Variants in CACNA2D3 observed in about 807,000 individuals in gnomAD.
The protein encoded by CACNA2D3 is calcium voltage-gated channel auxiliary subunit alpha2delta 3, also known as voltage-dependent calcium channel subunit alpha-2/delta-3.
Under a neutral mutation model 160.6 loss-of-function variants are expected in CACNA2D3, and 60 were observed. The observed-to-expected ratio is 0.37, with a 90% CI of 0.30 to 0.46. CACNA2D3 has a LOEUF of 0.46. Ranked by LOEUF, CACNA2D3 falls within the 20% of genes least tolerant of loss-of-function variation. The probability of loss-of-function intolerance (pLI) is 1.00; values close to 1 mark genes in which losing one functional copy is unlikely to be tolerated. For missense variants in CACNA2D3, 1,205 were observed against 1,365.0 expected, an observed-to-expected ratio of 0.88 and a Z score of 1.85; for synonymous variants, 558 against 492.9, an observed-to-expected ratio of 1.13 and a Z score of -1.75.
chr3:54,768,281 G>A (rs1702257648), intron 13 of CACNA2D3, among the ~76,000 whole-genome samples: 1 of 152,174 alleles, frequency 6.6e-6, no homozygotes, highest in African/African-American at 2.4e-5. Flanking sequence ...CCACCAATGA[G>A]AAGCAGATGG....
chr3:54,343,617 C>T (rs751305443), intron 3 of CACNA2D3, among the ~76,000 whole-genome samples: 6 of 152,180 alleles, frequency 3.9e-5, no homozygotes, highest in Non-Finnish European at 7.3e-5. Flanking sequence ...TTATGTTGCA[C>T]AGCCTGGTCT....
At chr3:54,337,000 C>T (rs1001044449) in intron 3 of CACNA2D3, among the ~76,000 whole-genome samples, 2 of 152,096 alleles carry the variant, frequency 1.3e-5, no homozygotes, top group Non-Finnish European at 2.9e-5. Context: ...TGGGGCCTTG[C>T]ATGGACCAGT....
At chr3:54,662,224 G>T (rs528510580) in intron 11 of CACNA2D3, among the ~76,000 whole-genome samples, 2 of 152,186 alleles carry the variant, frequency 1.3e-5, no homozygotes, top group South Asian at 4.2e-4. Context: ...GGTGCTGGGA[G>T]CCTCTATGCT....
rs1703604256 is a variant in CACNA2D3 at position 54,821,697 on chromosome 3, T to TTTCCTTTC, written c.1398+4833_1398+4834insTCTTCCTT. On this transcript the variant is annotated intron_variant, in intron 14 of 37. Coordinates refer to ENST00000474759, the MANE Select transcript of CACNA2D3 (RefSeq NM_018398.3). ...CTTTCTTTCTTTCTTTCTTTCTTTC[T>TTTCCTTTC]TTCCTTCCTTCCTTCTTTCCTCTCT... Among the ~76,000 whole-genome samples the TTTCCTTTC allele has an allele frequency of 3.6e-5, 3 of 84,142 alleles. No individual in the cohort carries two copies. The South Asian group carries it at 1.3e-3, about 35-fold the overall frequency. 55.2% of individuals were successfully genotyped at this position (84,142 alleles called of 152,430 possible).
chr3:54,192,299 G>T (rs1025327848), intron 2 of CACNA2D3, among the ~76,000 whole-genome samples: 1 of 152,144 alleles, frequency 6.6e-6, no homozygotes, highest in Non-Finnish European at 1.5e-5. Context: ...TTATGCTAAA[G>T]GGGAAGTGCT....
chr3:54,894,149 T>G (rs1255985003), intron 25 of CACNA2D3, among the ~76,000 whole-genome samples: 1 of 152,148 alleles, frequency 6.6e-6, no homozygotes, highest in East Asian at 1.9e-4. Flanking sequence ...ACCACTGCAA[T>G]AGCTCCTAGT....
At chr3:54,897,033 T>G in intron 26 of CACNA2D3, 163 bp downstream of exon 26, 1 of 715,480 alleles carries the variant, frequency 1.4e-6, no homozygotes, top group Non-Finnish European at 2.3e-6. Flanking sequence ...ACCAGTTCCA[T>G]AAGAGTAATA....
intron 13 of CACNA2D3, among the ~76,000 whole-genome samples, chr3:54,781,546 TA>T (rs1702537248): frequency 6.6e-6 from 1 of 152,364 alleles, no homozygotes; most frequent in East Asian, 1.9e-4. Flanking sequence ...TCTACTGAGC[TA>T]AAGATTAGTC....
At chr3:54,183,892 GAAAAAAAAAA>G (rs58956795) in intron 2 of CACNA2D3, among the ~76,000 whole-genome samples, 4 of 80,798 alleles carry the variant, frequency 5.0e-5, no homozygotes, top group Non-Finnish European at 6.4e-5. Context: ...TCTCAAAAAA[GAAAAAAAAAA>G]AAAAAAAAAA....
intron 11 of CACNA2D3, among the ~76,000 whole-genome samples, chr3:54,660,000 A>G (rs1272029992): frequency 6.6e-6 from 1 of 152,098 alleles, no homozygotes; most frequent in Non-Finnish European, 1.5e-5. Context: ...CAGACAAAAT[A>G]ATGACTTACC....
intron 2 of CACNA2D3, among the ~76,000 whole-genome samples, chr3:54,275,779 G>A (rs920953804): frequency 2.0e-5 from 3 of 152,016 alleles, no homozygotes; most frequent in African/African-American, 4.8e-5. Flanking sequence ...CACCACGCCT[G>A]GCTAATTTTT....
chr3:54,879,188 G>T, intron 19 of CACNA2D3, 99 bp downstream of exon 19: 1 of 908,836 alleles, frequency 1.1e-6, no homozygotes, highest in East Asian at 2.6e-5. Context: ...CTTTCGCTGA[G>T]ATCATTTTTC....
intron 9 of CACNA2D3, among the ~76,000 whole-genome samples, chr3:54,609,388 A>T (rs1698700015): frequency 6.6e-6 from 1 of 152,224 alleles, no homozygotes; most frequent in African/African-American, 2.4e-5. Flanking sequence ...TGGCAAATTA[A>T]TACAGAGGGA....
At chr3:54,212,488 A>G (rs1361470587) in intron 2 of CACNA2D3, among the ~76,000 whole-genome samples, 1 of 152,208 alleles carries the variant, frequency 6.6e-6, no homozygotes, top group East Asian at 1.9e-4. Flanking sequence ...GTGGAGAACA[A>G]AGTTTTACCA....
At chr3:54,785,425 T>G (rs1702619154) in intron 13 of CACNA2D3, among the ~76,000 whole-genome samples, 1 of 152,198 alleles carries the variant, frequency 6.6e-6, no homozygotes. Context: ...AACTTGTACA[T>G]GTGCATGTCT....
chr3:55,074,398 T>G lies in CACNA2D3; in HGVS notation c.*192T>G, dbSNP rs1033618496. The G allele has an allele frequency of 1.9e-5, 11 of 574,186 alleles. No individual in the cohort carries two copies. Among genetic ancestry groups the G allele is most frequent in the African/African-American group, 3.8e-5 (2 of 52,978 alleles). The allele number at this position is 574,186 out of a possible 1,614,324, so 35.6% of individuals were successfully genotyped here. A position where few individuals can be genotyped will look rare whatever the true frequency, so the allele number is the denominator to read the frequency against. ...TGTTGACAAAAAGTTATCTATCATC[T>G]TTTTACTTTGCCAGTCATGCAAATG... On this transcript the variant is annotated 3_prime_UTR_variant, in exon 38 of 38. Coordinates refer to ENST00000474759, the MANE Select transcript of CACNA2D3 (RefSeq NM_018398.3).
At chr3:54,642,943 T>C (rs1699555169) in intron 11 of CACNA2D3, among the ~76,000 whole-genome samples, 1 of 152,136 alleles carries the variant, frequency 6.6e-6, no homozygotes, top group Non-Finnish European at 1.5e-5. Flanking sequence ...TCTGGGGATG[T>C]GGTTCAGTAA....
In CACNA2D3 at chr3:54,709,363, T is replaced by A. The variant is rs1256107908; in HGVS notation, c.1168-43236T>A. 3.4e-5 allele frequency among the ~76,000 whole-genome samples: 5 copies of A among 148,400 alleles called. No homozygotes were observed. The East Asian group carries it at 6.0e-4, about 18-fold the overall frequency. On this transcript the variant is annotated intron_variant, in intron 11 of 37. Coordinates refer to ENST00000474759, the MANE Select transcript of CACNA2D3 (RefSeq NM_018398.3). ...GACTGCTTAAAGTCCTCTCTCTCTC[T>A]CTTTTTTTTTTTCTTAAAGAGAGGG...
intron 11 of CACNA2D3, among the ~76,000 whole-genome samples, chr3:54,670,870 G>A (rs183404384): frequency 6.6e-6 from 1 of 152,286 alleles, no homozygotes; most frequent in East Asian, 1.9e-4. Flanking sequence ...ACTGAGCAGA[G>A]TGAAGGGAAT....
Sources: gnomAD v4.1 joint callset for allele counts (sites outside exome capture counted in the v4.1 genomes callset) on GRCh38, gnomAD v4.1.1 for gene constraint, MANE v1.5 for transcripts, NCBI Gene and HGNC (gene_info 2026-07-23, HGNC 2026-07-21) for gene names.